Variants in SF3B6 observed in about 807,000 individuals in gnomAD.
SF3B6 encodes the protein splicing factor 3b subunit 6, also known as SF3b 14 kDa subunit.
Under a neutral mutation model 15.9 loss-of-function variants are expected in SF3B6, and 3 were observed. The observed-to-expected ratio is 0.19, with a 90% CI of 0.09 to 0.49. The LOEUF is 0.49. SF3B6 is among the 20% of genes least tolerant of loss of function. SF3B6 has a pLI of 0.97. For missense variants in SF3B6, 71 were observed against 154.3 expected (o/e 0.46, Z 2.86); for synonymous variants, 49 against 51.1 (o/e 0.96, Z 0.18).
At chr2:24,070,861 C>A (rs1052547932) in intron 2 of SF3B6, among the ~76,000 whole-genome samples, 5 of 152,180 alleles carry the variant, frequency 3.3e-5, no homozygotes, top group Non-Finnish European at 5.9e-5. Context: ...TTAACCTATT[C>A]AACACATAGA....
intron 1 of SF3B6, among the ~76,000 whole-genome samples, chr2:24,075,653 T>A (rs572754747): frequency 1.6e-3 from 245 of 152,034 alleles, no homozygotes; most frequent in Non-Finnish European, 2.9e-3. Context: ...GGACTTGTTT[T>A]ATTCACTGCT....
At chr2:24,068,524 GAACTGTCTTTTAAACTGGT>G in intron 2 of SF3B6, 65 bp from the exon 3 acceptor site, 2 of 1,423,630 alleles carry the variant, frequency 1.4e-6, no homozygotes, top group Non-Finnish European at 1.9e-6. Flanking sequence ...TTGACTTACA[GAACTGTCTTTTAAACTGGT>G]AACTGTCTTT....
At chr2:24,073,925 A>T (rs1403692267) in intron 2 of SF3B6, 151 bp downstream of exon 2, 5 of 589,064 alleles carry the variant, frequency 8.5e-6, no homozygotes, top group Non-Finnish European at 1.5e-5. Flanking sequence ...CTTCAAAAAG[A>T]TCTCATCTCT....
At position 24,067,702 on chromosome 2, in the gene SF3B6, G is replaced by T; in HGVS notation, c.*60C>A. 1 of 1,381,732 alleles carries T rather than the reference G, an allele frequency of 7.2e-7. No individual in the cohort carries two copies. Among genetic ancestry groups the T allele is most frequent in the Non-Finnish European group, 1.0e-6 (1 of 986,288 alleles). 85.6% of individuals were successfully genotyped at this position (1,381,732 alleles called of 1,614,324 possible). Reference sequence around the variant, plus strand: ...ACAATATTTAGTATTAATTAAAAAGGAAAAAAAGGTGGTAGTTGTCATTCG... The same window carrying T: ...ACAATATTTAGTATTAATTAAAAAGTAAAAAAAGGTGGTAGTTGTCATTCG... On this transcript the variant is annotated 3_prime_UTR_variant, in exon 4 of 4. Transcript: ENST00000233468.
chr2:24,071,064 C>T (rs1409465113), intron 2 of SF3B6, among the ~76,000 whole-genome samples: 1 of 152,082 alleles, frequency 6.6e-6, no homozygotes, highest in African/African-American at 2.4e-5. Context: ...ATGATCTTGG[C>T]TCACTGCAAC....
At chr2:24,075,228 C>G (rs553465916) in intron 1 of SF3B6, among the ~76,000 whole-genome samples, 90 of 152,234 alleles carry the variant, frequency 5.9e-4, no homozygotes, top group African/African-American at 2.1e-3. Context: ...CAACTTCCAC[C>G]ATCTTTTCAC....
At chr2:24,068,491 T>G in intron 2 of SF3B6, 32 bp from the exon 3 acceptor site, 1 of 1,567,462 alleles carries the variant, frequency 6.4e-7, no homozygotes, top group Non-Finnish European at 8.7e-7. Context: ...AATTAAGATA[T>G]ACATTTACCT....
chr2:24,075,493 T>C lies in SF3B6; in HGVS notation c.30+707A>G, dbSNP rs540755898. ...ATCCTCCCACCTCAGCCTCCAAAAGTGCGGGGATTACAGGCATGAGCCACC... is the reference window on the plus strand; with the variant it reads ...ATCCTCCCACCTCAGCCTCCAAAAGCGCGGGGATTACAGGCATGAGCCACC... On this transcript the variant is annotated intron_variant, in intron 1 of 3. Transcript: ENST00000233468. Among the ~76,000 whole-genome samples, 5 of 151,180 alleles carry C rather than the reference T, an allele frequency of 3.3e-5. No individual in the cohort carries two copies. The Admixed American group carries it at 3.3e-4, about 10-fold the overall frequency.
intron 1 of SF3B6, 99 bp from the exon 2 acceptor site, chr2:24,074,293 A>G: frequency 1.6e-6 from 1 of 610,694 alleles, no homozygotes. Flanking sequence ...AAAATTCTTA[A>G]TGATACGTAA....
intron 1 of SF3B6, 88 bp from the exon 2 acceptor site, chr2:24,074,282 A>T (rs188353774): frequency 3.1e-6 from 2 of 648,054 alleles, no homozygotes; most frequent in Non-Finnish European, 5.3e-6. Context: ...GGGCATTTTA[A>T]AAAATTCTTA....
intron 2 of SF3B6, among the ~76,000 whole-genome samples, chr2:24,070,108 C>A (rs750448541): frequency 3.9e-5 from 6 of 152,174 alleles, no homozygotes; most frequent in Non-Finnish European, 7.3e-5. Flanking sequence ...TAGACACTAA[C>A]CCCACTTTAA....
intron 2 of SF3B6, among the ~76,000 whole-genome samples, chr2:24,069,810 T>C (rs1272753556): frequency 6.6e-6 from 1 of 152,142 alleles, no homozygotes; most frequent in Non-Finnish European, 1.5e-5. Context: ...GACGAGGGGT[T>C]TTAGAATGTT....
At chr2:24,068,053 C>G (rs1027421103) in intron 3 of SF3B6, among the ~76,000 whole-genome samples, 34 of 152,170 alleles carry the variant, frequency 2.2e-4, no homozygotes, top group African/African-American at 8.2e-4. Context: ...GGCTCCACCC[C>G]CTGGGGTTCA....
intron 2 of SF3B6, among the ~76,000 whole-genome samples, chr2:24,069,275 C>A (rs568258766): frequency 2.0e-5 from 3 of 152,214 alleles, no homozygotes; most frequent in Admixed American, 6.5e-5. Context: ...TGAGCCAGGG[C>A]AGAATGCTGG....
At position 24,076,280 on chromosome 2, in the gene SF3B6, C is replaced by G; in HGVS notation, c.-51G>C. ...AGCAGATACTGAAATTCCTCCGGAGCTCGCTCGGCTTCGGGGGTTACACCG... is the reference window on the plus strand; with the variant it reads ...AGCAGATACTGAAATTCCTCCGGAGGTCGCTCGGCTTCGGGGGTTACACCG... On this transcript the variant is annotated 5_prime_UTR_variant, in exon 1 of 4. Transcript: ENST00000233468. The G allele has an allele frequency of 6.2e-7, 1 of 1,612,064 alleles. No individual in the cohort carries two copies. The highest frequency in any genetic ancestry group is 8.5e-7 in the Non-Finnish European group (1 of 1,178,050).
chr2:24,074,945 A>G (rs1054849278), intron 1 of SF3B6, among the ~76,000 whole-genome samples: 1 of 152,134 alleles, frequency 6.6e-6, no homozygotes, highest in Non-Finnish European at 1.5e-5. Flanking sequence ...CCTGGCCAAC[A>G]CGGAGAAACC....
chr2:24,070,220 G>T (rs149522934), intron 2 of SF3B6, among the ~76,000 whole-genome samples: 1 of 152,160 alleles, frequency 6.6e-6, no homozygotes, highest in Non-Finnish European at 1.5e-5. Flanking sequence ...TACCTACCAC[G>T]TATTGGACAC....
chr2:24,076,274 C>G lies in SF3B6; in HGVS notation c.-45G>C, dbSNP rs773321545. The G allele has an allele frequency of 7.4e-6, 12 of 1,613,534 alleles. No homozygotes were observed. In the Admixed American group the frequency reaches 1.3e-4, roughly 18 times the overall value. ...TACCGTAGCAGATACTGAAATTCCT[C>G]CGGAGCTCGCTCGGCTTCGGGGGTT... is the stretch of plus-strand genomic sequence containing the variant. On this transcript the variant is annotated 5_prime_UTR_variant, in exon 1 of 4. Transcript: ENST00000233468.
chr2:24,068,278 C>T (rs769672970), intron 3 of SF3B6, 43 bp downstream of exon 3: 1 of 1,578,428 alleles, frequency 6.3e-7, no homozygotes, highest in Non-Finnish European at 8.6e-7. Context: ...TACACTAATT[C>T]TCAAATGAGA....
Sources: gnomAD v4.1 joint callset for allele counts (sites outside exome capture counted in the v4.1 genomes callset) on GRCh38, gnomAD v4.1.1 for gene constraint, MANE v1.5 for transcripts, NCBI Gene and HGNC (gene_info 2026-07-23, HGNC 2026-07-21) for gene names.